KLHL7: variants seen among roughly 807,000 people sequenced by gnomAD.
The protein encoded by KLHL7 is kelch-like protein 7.
In KLHL7, 44 loss-of-function variants were observed where a neutral mutation model predicts 67.4. The ratio of observed to expected loss-of-function variants is 0.65; its 90% CI spans 0.51 to 0.84. The LOEUF (loss-of-function observed/expected upper bound fraction) is 0.84. Ranked by LOEUF, KLHL7 falls within the 40% of genes least tolerant of loss-of-function variation. KLHL7 has a pLI of 0.00. For missense variants in KLHL7, 362 were observed against 718.1 expected, an observed-to-expected ratio of 0.50 and a Z score of 5.67; for synonymous variants, 252 against 243.3, an observed-to-expected ratio of 1.04 and a Z score of -0.33.
chr7:23,159,414 C>T (rs556431932), intron 7 of KLHL7, among the ~76,000 whole-genome samples: 1 of 152,302 alleles, frequency 6.6e-6, no homozygotes, highest in South Asian at 2.1e-4. Context: ...AAGCCATCCT[C>T]CTGCCTTGGC....
chr7:23,144,145 C>G (rs961299074), intron 6 of KLHL7, 120 bp downstream of exon 6: 22 of 867,896 alleles, frequency 2.5e-5, no homozygotes, highest in Non-Finnish European at 3.7e-5. Context: ...TTTTGCTCTT[C>G]TAGATAGTTA....
intron 9 of KLHL7, among the ~76,000 whole-genome samples, chr7:23,169,529 T>G (rs982428809): frequency 6.6e-6 from 1 of 152,152 alleles, no homozygotes; most frequent in Non-Finnish European, 1.5e-5. Context: ...GTTGGAAAAC[T>G]GATTCATTCT....
At chr7:23,125,979 GA>G (rs1256660773) in intron 4 of KLHL7, 5 of 810,178 alleles carry the variant, frequency 6.2e-6, no homozygotes, top group Non-Finnish European at 1.0e-5. Flanking sequence ...TGCCTATGAT[GA>G]AGTTTAATTT....
At chr7:23,139,088 T>TAAAAAA (rs60821313) in intron 4 of KLHL7, among the ~76,000 whole-genome samples, 1 of 129,860 alleles carries the variant, frequency 7.7e-6, no homozygotes. Flanking sequence ...TTATTAATGC[T>TAAAAAA]AAAAAAAAAA....
chr7:23,144,073 C>T, intron 6 of KLHL7, 48 bp downstream of exon 6: 1 of 1,492,052 alleles, frequency 6.7e-7, no homozygotes, highest in Non-Finnish European at 9.3e-7. Context: ...TAGCCAGTTT[C>T]TCATGGGCTT....
intron 6 of KLHL7, among the ~76,000 whole-genome samples, chr7:23,146,749 A>C (rs1409847957): frequency 1.3e-5 from 2 of 151,926 alleles, no homozygotes; most frequent in African/African-American, 4.8e-5. Flanking sequence ...ATATCTGATA[A>C]GATGGCTCAA....
At chr7:23,163,331 C>T (rs777082623) in intron 7 of KLHL7, among the ~76,000 whole-genome samples, 41 of 152,104 alleles carry the variant, frequency 2.7e-4, no homozygotes, top group Non-Finnish European at 4.4e-4. Flanking sequence ...CCACCATGCC[C>T]GGCTAATTTT....
chr7:23,134,260 C>T (rs911672553), intron 4 of KLHL7, among the ~76,000 whole-genome samples: 39 of 152,170 alleles, frequency 2.6e-4, no homozygotes, highest in African/African-American at 8.2e-4. Context: ...TTGATTGATT[C>T]GTGTACGTTG....
chr7:23,136,793 T>C (rs1437427397), intron 4 of KLHL7, among the ~76,000 whole-genome samples: 2 of 152,218 alleles, frequency 1.3e-5, no homozygotes, highest in African/African-American at 4.8e-5. Flanking sequence ...ACTTATAGGC[T>C]ATATAGAAAC....
chr7:23,139,169 G>A (rs1252579307), intron 4 of KLHL7, among the ~76,000 whole-genome samples: 1 of 151,526 alleles, frequency 6.6e-6, no homozygotes, highest in Non-Finnish European at 1.5e-5. Flanking sequence ...TGACAACAGG[G>A]ACATGGGAAC....
chr7:23,155,337 T>G (rs975945438), intron 7 of KLHL7, among the ~76,000 whole-genome samples: 1 of 152,146 alleles, frequency 6.6e-6, no homozygotes, highest in Non-Finnish European at 1.5e-5. Context: ...AACTTTTTTT[T>G]TCCCCAAAGA....
At chr7:23,162,042 C>G (rs1437881782) in intron 7 of KLHL7, among the ~76,000 whole-genome samples, 1 of 152,180 alleles carries the variant, frequency 6.6e-6, no homozygotes, top group Non-Finnish European at 1.5e-5. Context: ...CTGTTGAGAT[C>G]CAACAATGAC....
intron 9 of KLHL7, among the ~76,000 whole-genome samples, chr7:23,170,936 TCTCA>T (rs1366850794): frequency 7.9e-6 from 1 of 126,100 alleles, no homozygotes; most frequent in African/African-American, 3.2e-5. Flanking sequence ...TGAGACGGAG[TCTCA>T]CTCTGTCACC....
At chr7:23,146,254 T>G (rs1324919435) in intron 6 of KLHL7, among the ~76,000 whole-genome samples, 1 of 152,224 alleles carries the variant, frequency 6.6e-6, no homozygotes, top group South Asian at 2.1e-4. Flanking sequence ...TCTAGGTACT[T>G]AGTATCTCCA....
intron 6 of KLHL7, among the ~76,000 whole-genome samples, chr7:23,144,266 T>C (rs1034096229): frequency 6.6e-6 from 1 of 152,244 alleles, no homozygotes; most frequent in Non-Finnish European, 1.5e-5. Context: ...CCTATTCTTG[T>C]ATACAATAAC....
chr7:23,166,147 A>G (rs1306912324), intron 8 of KLHL7, among the ~76,000 whole-genome samples: 2 of 152,204 alleles, frequency 1.3e-5, no homozygotes, highest in Non-Finnish European at 2.9e-5. Context: ...AGCTTCCTAG[A>G]TTAATGGCCC....
chr7:23,159,914 T>A (rs1784812551), intron 7 of KLHL7, among the ~76,000 whole-genome samples: 1 of 152,224 alleles, frequency 6.6e-6, no homozygotes, highest in African/African-American at 2.4e-5. Flanking sequence ...TTCATCTGAC[T>A]CTTTTTTCCT....
chr7:23,146,280 A>G (rs1008036884), intron 6 of KLHL7, among the ~76,000 whole-genome samples: 2 of 152,216 alleles, frequency 1.3e-5, no homozygotes, highest in African/African-American at 4.8e-5. Flanking sequence ...GAGCCTTTTC[A>G]GGGCTCTGCA....
At position 23,132,573 on chromosome 7, in the gene KLHL7, A is replaced by G. The variant is rs369782721; in HGVS notation, c.442+7401A>G. Among the ~76,000 whole-genome samples, 207 of 152,158 alleles carry G rather than the reference A, an allele frequency of 1.4e-3. 1 individual carries two copies. The highest frequency in any genetic ancestry group is 4.6e-3 in the African/African-American group (191 of 41,512). ...TTTGTCAGATGAGTAGTTTGCAGAT[A>G]TTTTCTCCCATTCTATAGGTTGTCT... On this transcript the variant is annotated intron_variant, in intron 4 of 10. Coordinates refer to ENST00000339077, the MANE Select transcript of KLHL7 (RefSeq NM_001031710.3).
Sources: allele counts gnomAD v4.1 joint callset (sites outside exome capture counted in the v4.1 genomes callset), GRCh38; gene constraint gnomAD v4.1.1; transcripts MANE v1.5; gene names NCBI Gene and HGNC (gene_info 2026-07-23, HGNC 2026-07-21).